Variants in MAPRE2 observed in about 807,000 individuals in gnomAD.
MAPRE2 encodes microtubule associated protein RP/EB family member 2.
Under a neutral mutation model 43.2 loss-of-function variants are expected in MAPRE2, and 13 were observed. The ratio of observed to expected loss-of-function variants is 0.30; its 90% CI spans 0.20 to 0.48. The LOEUF (loss-of-function observed/expected upper bound fraction) is 0.48, where lower values mean the gene tolerates loss of function less well. Ranked by LOEUF, MAPRE2 falls within the 20% of genes least tolerant of loss-of-function variation. The pLI is 0.99. For synonymous variants in MAPRE2, 135 were observed against 148.8 expected, an observed-to-expected ratio of 0.91 and a Z score of 0.68; for missense variants, 161 against 400.2, an observed-to-expected ratio of 0.40 and a Z score of 5.10.
chr18:35,101,446 GT>G, intron 3 of MAPRE2, among the ~76,000 whole-genome samples: 1 of 152,192 alleles, frequency 6.6e-6, no homozygotes, highest in East Asian at 1.9e-4. Flanking sequence ...GTACAATTAA[GT>G]TACTATTGAC....
chr18:35,017,570 G>GT (rs71166042), intron 2 of MAPRE2, among the ~76,000 whole-genome samples: 71 of 148,678 alleles, frequency 4.8e-4, no homozygotes, highest in African/African-American at 1.3e-3. Flanking sequence ...TTTGTTTTTT[G>GT]TTTTTTTTTT....
At chr18:35,060,819 T>A (rs1906485008) in intron 1 of MAPRE2, among the ~76,000 whole-genome samples, 1 of 152,224 alleles carries the variant, frequency 6.6e-6, no homozygotes. Context: ...TGCAGATAAA[T>A]AACAATGAGG....
At chr18:35,117,097 C>T (rs146779050) in intron 4 of MAPRE2, among the ~76,000 whole-genome samples, 168 of 152,098 alleles carry the variant, frequency 1.1e-3, no homozygotes, top group Non-Finnish European at 1.4e-3. Flanking sequence ...TGATGGAGAC[C>T]GTAAGATGAT....
At chr18:35,023,014 C>G (rs550906320) in intron 2 of MAPRE2, among the ~76,000 whole-genome samples, 5 of 151,944 alleles carry the variant, frequency 3.3e-5, no homozygotes, top group Admixed American at 2.6e-4. Context: ...AAAATAGATA[C>G]TGTGTTGATA....
upstream of MAPRE2, among the ~76,000 whole-genome samples, chr18:35,037,057 C>G (rs751847173): frequency 6.6e-6 from 1 of 152,180 alleles, no homozygotes; most frequent in Non-Finnish European, 1.5e-5. Flanking sequence ...CCATCCCACC[C>G]TATGTTGCAC....
chr18:35,133,209 T>C (rs947301113), intron 6 of MAPRE2, among the ~76,000 whole-genome samples: 5 of 152,232 alleles, frequency 3.3e-5, no homozygotes, highest in African/African-American at 1.2e-4. Flanking sequence ...AGTGAAATTC[T>C]CCTAAACTGT....
upstream of MAPRE2, among the ~76,000 whole-genome samples, chr18:35,037,164 C>CTT (rs35771500): frequency 0.018 from 2,695 of 146,816 alleles, 69 homozygotes; most frequent in African/African-American, 0.061. Flanking sequence ...AAGCCTGAGG[C>CTT]TTTTTTTTTT....
chr18:35,097,317 G>A (rs1908474659), intron 2 of MAPRE2, 129 bp from the exon 3 acceptor site: 2 of 791,434 alleles, frequency 2.5e-6, no homozygotes, highest in South Asian at 1.9e-5. Context: ...AAGCGCATTG[G>A]TAAGAAGGAC....
intron 2 of MAPRE2, among the ~76,000 whole-genome samples, chr18:35,015,743 C>T (rs557409192): frequency 1.3e-5 from 2 of 150,618 alleles, no homozygotes; most frequent in Non-Finnish European, 3.0e-5. Flanking sequence ...AGATCATGAA[C>T]AAAAATTCAG....
upstream of MAPRE2, among the ~76,000 whole-genome samples, chr18:35,039,116 CTACT>C (rs369407978): frequency 4.2e-3 from 633 of 152,328 alleles, 2 homozygotes; most frequent in Middle Eastern, 0.02. Context: ...GTTTTACATA[CTACT>C]TAAATATGGG....
At chr18:35,131,672 T>A (rs1051194997) in intron 5 of MAPRE2, among the ~76,000 whole-genome samples, 2 of 152,178 alleles carry the variant, frequency 1.3e-5, no homozygotes, top group African/African-American at 4.8e-5. Flanking sequence ...TTTGAGGAGA[T>A]ACAAACTTTC....
chr18:35,070,590 CCTCTTCTCTGT>C, intron 2 of MAPRE2: 1 of 232,852 alleles, frequency 4.3e-6, no homozygotes, highest in Non-Finnish European at 8.3e-6. Flanking sequence ...TGGCTCCTAG[CCTCTTCTCTGT>C]CATCCCATCT....
At position 35,064,456 on chromosome 18, in the gene MAPRE2, C is replaced by G. The variant is rs73946507; in HGVS notation, c.123-5739C>G. The stretch of plus-strand genomic sequence containing the variant: ...TGTGTTTGCAAGGGGTGGGGCAGGG[C>G]AGAGAGACAAAATGAATTACATAGG... On this transcript the variant is annotated intron_variant, in intron 1 of 6. Coordinates refer to ENST00000300249, the MANE Select transcript of MAPRE2 (RefSeq NM_014268.4). Among the ~76,000 whole-genome samples, 581 of 152,098 alleles carry G rather than the reference C, an allele frequency of 3.8e-3. 5 individuals carry two copies. The highest frequency in any genetic ancestry group is 0.014 in the African/African-American group (566 of 41,478).
intron 1 of MAPRE2, among the ~76,000 whole-genome samples, chr18:35,042,692 G>T (rs967987092): frequency 6.6e-6 from 1 of 152,082 alleles, no homozygotes; most frequent in Admixed American, 6.6e-5. Context: ...CTTGATAAAC[G>T]CTAACAATGC....
At chr18:35,127,997 A>G (rs907888068) in intron 5 of MAPRE2, among the ~76,000 whole-genome samples, 4 of 152,212 alleles carry the variant, frequency 2.6e-5, no homozygotes, top group Admixed American at 6.5e-5. Context: ...CCTTTACTTC[A>G]GGGCCCCAGG....
chr18:35,097,620 GT>G, intron 3 of MAPRE2, 29 bp downstream of exon 3: 1 of 1,586,812 alleles, frequency 6.3e-7, no homozygotes, highest in Middle Eastern at 2.1e-4. Flanking sequence ...CATAAAATGT[GT>G]TGTTTTTTCT....
At chr18:35,062,113 G>T (rs1219828632) in intron 1 of MAPRE2, among the ~76,000 whole-genome samples, 1 of 152,174 alleles carries the variant, frequency 6.6e-6, no homozygotes, top group Non-Finnish European at 1.5e-5. Flanking sequence ...AAGGAGGCAC[G>T]CAGGCAGGAT....
chr18:35,026,029 A>C (rs530409385), intron 2 of MAPRE2, among the ~76,000 whole-genome samples: 1 of 152,172 alleles, frequency 6.6e-6, no homozygotes, highest in Admixed American at 6.5e-5. Flanking sequence ...ACCCCTGAAG[A>C]CTTCTAAAAA....
At chr18:35,038,426 C>A (rs1014029198), upstream of MAPRE2, among the ~76,000 whole-genome samples, 5 of 152,148 alleles carry the variant, frequency 3.3e-5, no homozygotes, top group African/African-American at 4.8e-5. Context: ...TTGGGGAGAC[C>A]CTCTTTATGG....
Sources: gnomAD v4.1 joint callset for allele counts (sites outside exome capture counted in the v4.1 genomes callset) on GRCh38, gnomAD v4.1.1 for gene constraint, MANE v1.5 for transcripts, NCBI Gene and HGNC (gene_info 2026-07-23, HGNC 2026-07-21) for gene names.